The following CLSTN2 variants were observed in gnomAD, a reference collection of about 807,000 sequenced individuals.
CLSTN2 encodes the protein calsyntenin 2, also known as calsyntenin-2.
CLSTN2 carries 48 observed loss-of-function variants against 101.2 expected under a neutral mutation model. The observed-to-expected ratio is 0.47, with a 90% CI of 0.38 to 0.60. CLSTN2 has a LOEUF of 0.60. CLSTN2 is among the 20% of genes least tolerant of loss of function. The pLI is 0.00. For synonymous variants in CLSTN2, 481 were observed against 463.6 expected (o/e 1.04, Z -0.48); for missense variants, 1,160 against 1,238.2 (o/e 0.94, Z 0.95).
chr3:140,571,939 T>C lies in CLSTN2; in HGVS notation c.*5686T>C, dbSNP rs552300869. The C allele has an allele frequency of 1.3e-5, 2 of 152,356 alleles. No individual in the cohort carries two copies. The highest frequency in any genetic ancestry group is 3.9e-4 in the East Asian group (2 of 5,172). 9.4% of individuals were successfully genotyped at this position (152,356 alleles called of 1,614,324 possible). ...GGTAGTAAACAGATGGGAGTCTGTGTTTGCAGCTATGTTCAGTGTAATTCA... is the reference window on the plus strand; with the variant it reads ...GGTAGTAAACAGATGGGAGTCTGTGCTTGCAGCTATGTTCAGTGTAATTCA... On this transcript the variant is annotated 3_prime_UTR_variant, in exon 17 of 17. Coordinates refer to ENST00000458420, the MANE Select transcript of CLSTN2 (RefSeq NM_022131.3).
intron 2 of CLSTN2, among the ~76,000 whole-genome samples, chr3:140,310,740 A>G (rs977117138): frequency 6.6e-6 from 1 of 152,182 alleles, no homozygotes; most frequent in African/African-American, 2.4e-5. Flanking sequence ...ATTCCATTCA[A>G]GATGGAATTA....
At chr3:140,330,389 T>A (rs1311507863) in intron 2 of CLSTN2, among the ~76,000 whole-genome samples, 1 of 152,074 alleles carries the variant, frequency 6.6e-6, no homozygotes, top group African/African-American at 2.4e-5. Flanking sequence ...TAATGAGGGG[T>A]GGTCAACAAG....
chr3:140,060,974 A>G (rs1009831057), intron 1 of CLSTN2, among the ~76,000 whole-genome samples: 1 of 152,138 alleles, frequency 6.6e-6, no homozygotes, highest in Non-Finnish European at 1.5e-5. Context: ...GGAGTTAACG[A>G]TCAGGACCAG....
At chr3:140,320,357 A>G (rs1384406692) in intron 2 of CLSTN2, among the ~76,000 whole-genome samples, 1 of 152,188 alleles carries the variant, frequency 6.6e-6, no homozygotes, top group Non-Finnish European at 1.5e-5. Flanking sequence ...TGGGTTTAAA[A>G]AGGAAAGTAA....
At chr3:140,346,140 C>A (rs1157821046) in intron 2 of CLSTN2, among the ~76,000 whole-genome samples, 1 of 152,178 alleles carries the variant, frequency 6.6e-6, no homozygotes, top group Non-Finnish European at 1.5e-5. Flanking sequence ...TCTAATTCCC[C>A]TAGGCTTGCA....
chr3:140,527,845 C>A lies in CLSTN2; in HGVS notation c.1345-4479C>A, dbSNP rs553110977. 2.6e-5 allele frequency among the ~76,000 whole-genome samples: 4 copies of A among 152,138 alleles called. No homozygotes were observed. In the South Asian group the frequency reaches 8.3e-4, roughly 32 times the overall value. On this transcript the variant is annotated intron_variant, in intron 8 of 16. Coordinates refer to ENST00000458420, the MANE Select transcript of CLSTN2 (RefSeq NM_022131.3). ...GAAAACCAAATACCGTATTTTTTCACTTATAAGTGGAAGCTAAACATTGGA... is the reference window on the plus strand; with the variant it reads ...GAAAACCAAATACCGTATTTTTTCAATTATAAGTGGAAGCTAAACATTGGA...
chr3:140,261,646 G>A (rs575407551), intron 2 of CLSTN2, among the ~76,000 whole-genome samples: 1 of 151,168 alleles, frequency 6.6e-6, no homozygotes, highest in Non-Finnish European at 1.5e-5. Context: ...AATTGACAAG[G>A]TGAGAAATGT....
intron 2 of CLSTN2, among the ~76,000 whole-genome samples, chr3:140,369,393 G>A (rs905549433): frequency 1.3e-5 from 2 of 152,084 alleles, no homozygotes; most frequent in Non-Finnish European, 2.9e-5. Flanking sequence ...GGCAACAGAG[G>A]GAGGCCAGCC....
At chr3:140,416,438 G>T (rs1380365799) in intron 4 of CLSTN2, among the ~76,000 whole-genome samples, 1 of 152,028 alleles carries the variant, frequency 6.6e-6, no homozygotes, top group African/African-American at 2.4e-5. Context: ...TAAATAGCTT[G>T]ATCATGGTAG....
chr3:140,433,537 TC>T lies in CLSTN2; in HGVS notation c.787+12266del, dbSNP rs2088658238. Among the ~76,000 whole-genome samples the T allele has an allele frequency of 2.0e-5, 3 of 152,258 alleles. No individual in the cohort carries two copies. In the South Asian group the frequency reaches 6.2e-4, roughly 32 times the overall value. ...AAATTTTGCAGCAGGCCAGAATGTC[TC>T]CCTGCAGGGAGTCAGCAGAGGATAC... On this transcript the variant is annotated intron_variant, in intron 5 of 16. Transcript: ENST00000458420.
chr3:140,147,472 C>T (rs1238091393), intron 1 of CLSTN2, among the ~76,000 whole-genome samples: 1 of 152,194 alleles, frequency 6.6e-6, no homozygotes, highest in South Asian at 2.1e-4. Flanking sequence ...ATGGACATGA[C>T]AGGGTTTCCT....
intron 1 of CLSTN2, among the ~76,000 whole-genome samples, chr3:140,148,467 T>A (rs1302841336): frequency 6.6e-6 from 1 of 152,260 alleles, no homozygotes; most frequent in Non-Finnish European, 1.5e-5. Flanking sequence ...TTCCCTATCA[T>A]GGCACTTTAT....
At chr3:140,498,622 A>C (rs1934513803) in intron 8 of CLSTN2, among the ~76,000 whole-genome samples, 1 of 152,204 alleles carries the variant, frequency 6.6e-6, no homozygotes, top group Non-Finnish European at 1.5e-5. Context: ...GGGTCAAGGT[A>C]CAAATAAAAT....
chr3:140,349,948 C>T (rs994734967), intron 2 of CLSTN2, among the ~76,000 whole-genome samples: 2 of 152,196 alleles, frequency 1.3e-5, no homozygotes, highest in Non-Finnish European at 1.5e-5. Flanking sequence ...TCCTCCCCTC[C>T]ACCACCTTGT....
intron 1 of CLSTN2, among the ~76,000 whole-genome samples, chr3:140,113,207 G>A (rs747787587): frequency 5.9e-5 from 9 of 152,100 alleles, no homozygotes; most frequent in South Asian, 4.1e-4. Flanking sequence ...TCCTGCCCTC[G>A]CAAGAGAGCC....
chr3:140,377,824 A>G (rs1434651824), intron 2 of CLSTN2, among the ~76,000 whole-genome samples: 1 of 152,198 alleles, frequency 6.6e-6, no homozygotes, highest in Non-Finnish European at 1.5e-5. Flanking sequence ...CAGTGTTTAC[A>G]AAGTCCACAG....
chr3:140,205,128 G>A (rs562352829), intron 2 of CLSTN2, among the ~76,000 whole-genome samples: 1 of 152,276 alleles, frequency 6.6e-6, no homozygotes, highest in African/African-American at 2.4e-5. Context: ...GAATCTTCAC[G>A]TTGAGGAAAT....
chr3:140,038,198 G>A (rs774828460), intron 1 of CLSTN2, among the ~76,000 whole-genome samples: 1 of 151,970 alleles, frequency 6.6e-6, no homozygotes, highest in African/African-American at 2.4e-5. Context: ...CTGCAACCTT[G>A]CCAGCATCTG....
intron 2 of CLSTN2, among the ~76,000 whole-genome samples, chr3:140,201,553 T>C (rs1468225305): frequency 6.6e-6 from 1 of 152,186 alleles, no homozygotes; most frequent in East Asian, 1.9e-4. Context: ...TGTCATACCT[T>C]AGCCACTGAG....
Sources: allele counts gnomAD v4.1 joint callset (sites outside exome capture counted in the v4.1 genomes callset), GRCh38; gene constraint gnomAD v4.1.1; transcripts MANE v1.5; gene names NCBI Gene and HGNC (gene_info 2026-07-23, HGNC 2026-07-21).